Variants in VPS8 observed in about 807,000 individuals in gnomAD.
VPS8 encodes the protein vacuolar protein sorting-associated protein 8 homolog.
In VPS8, 129 loss-of-function variants were observed where a neutral mutation model predicts 216.4. That is an observed-to-expected ratio of 0.60 (90% CI 0.52 to 0.69). VPS8 has a LOEUF of 0.69. Among genes scored for constraint, VPS8 ranks in the 30% least tolerant of loss-of-function variants. The pLI is 0.00. For synonymous variants in VPS8, 571 were observed against 565.4 expected (o/e 1.01, Z -0.14); for missense variants, 1,531 against 1,683.5 (o/e 0.91, Z 1.59).
intron 46 of VPS8, among the ~76,000 whole-genome samples, chr3:185,024,926 C>T (rs1328945015): frequency 3.3e-5 from 5 of 151,732 alleles, no homozygotes; most frequent in African/African-American, 7.3e-5. Context: ...TGCTTGAACC[C>T]GGGAGGCGGA....
At chr3:184,839,914 C>G in intron 7 of VPS8, 162 bp downstream of exon 7, 4 of 1,401,026 alleles carry the variant, frequency 2.9e-6, no homozygotes, top group Non-Finnish European at 3.7e-6. Context: ...AATTATTTGC[C>G]TCACAGCTTT....
chr3:184,928,726 A>G (rs1433334134), intron 32 of VPS8, among the ~76,000 whole-genome samples, 193 bp downstream of exon 32: 2 of 152,216 alleles, frequency 1.3e-5, no homozygotes, highest in Non-Finnish European at 1.5e-5. Flanking sequence ...GCAGAAATTG[A>G]TAGGGCAGAT....
At chr3:184,939,029 C>CAAAAA (rs201525906) in intron 35 of VPS8, among the ~76,000 whole-genome samples, 1 of 53,476 alleles carries the variant, frequency 1.9e-5, no homozygotes, top group African/African-American at 6.0e-5. Flanking sequence ...GACCCTGTCT[C>CAAAAA]AAAAAAAAAA....
At chr3:184,866,735 T>G in intron 16 of VPS8, 141 bp from the exon 17 acceptor site, 1 of 716,086 alleles carries the variant, frequency 1.4e-6, no homozygotes, top group Non-Finnish European at 2.3e-6. Context: ...AAATGTAGAC[T>G]GAGATAAGTT....
At position 184,834,634 on chromosome 3, in the gene VPS8, C is replaced by A; in HGVS notation, c.354-15C>A. 8.7e-7 allele frequency: 1 copy of A among 1,143,606 alleles called. No individual in the cohort carries two copies. Among genetic ancestry groups the A allele is most frequent in the East Asian group, 3.3e-5 (1 of 29,926 alleles). 70.8% of individuals were successfully genotyped at this position (1,143,606 alleles called of 1,614,324 possible). On this transcript the variant is annotated splice_polypyrimidine_tract_variant and intron_variant, in intron 4 of 47. Coordinates refer to ENST00000625842, the MANE Select transcript of VPS8 (RefSeq NM_001009921.3). ...TTTTTATCTGTTTTTAAATGTTTTT[C>A]TTTTTTTTTTTCAGGAAGAAGAAAT... is the stretch of plus-strand genomic sequence containing the variant.
intron 36 of VPS8, among the ~76,000 whole-genome samples, chr3:184,951,522 T>A (rs1013147485): frequency 4.6e-5 from 7 of 151,828 alleles, no homozygotes; most frequent in Admixed American, 1.3e-4. Context: ...TTTTCAAAAC[T>A]GATATATATT....
intron 16 of VPS8, among the ~76,000 whole-genome samples, chr3:184,863,464 T>G (rs1340908034): frequency 2.0e-5 from 3 of 152,114 alleles, no homozygotes; most frequent in African/African-American, 4.8e-5. Context: ...CTATGAGGCT[T>G]TGGAAATATT....
chr3:184,976,588 C>T (rs186414247), intron 40 of VPS8, among the ~76,000 whole-genome samples: 6 of 152,048 alleles, frequency 3.9e-5, no homozygotes, highest in Admixed American at 2.6e-4. Flanking sequence ...GCATAGTACC[C>T]GATAGGTAGT....
At chr3:184,830,854 C>A (rs1312813758) in intron 3 of VPS8, among the ~76,000 whole-genome samples, 1 of 152,108 alleles carries the variant, frequency 6.6e-6, no homozygotes, top group Non-Finnish European at 1.5e-5. Flanking sequence ...TTTAGAAGAC[C>A]TATGTGTAGA....
chr3:184,864,227 C>A (rs935442912), intron 16 of VPS8, among the ~76,000 whole-genome samples: 15 of 152,256 alleles, frequency 9.9e-5, no homozygotes, highest in African/African-American at 3.6e-4. Flanking sequence ...TGATGGACAG[C>A]AATCTCTCAC....
intron 8 of VPS8, among the ~76,000 whole-genome samples, chr3:184,846,388 C>T (rs79351432): frequency 6.6e-6 from 1 of 152,150 alleles, no homozygotes; most frequent in Non-Finnish European, 1.5e-5. Flanking sequence ...TTTTAATCTA[C>T]AAGTTATGTC....
At chr3:185,051,824 T>G in intron 47 of VPS8, 52 bp from the exon 48 acceptor site, 12 of 1,505,460 alleles carry the variant, frequency 8.0e-6, no homozygotes, top group Non-Finnish European at 1.1e-5. Context: ...CAGGAGCCTC[T>G]CTTCCCTCTG....
chr3:184,839,133 A>G, intron 6 of VPS8: 1 of 191,930 alleles, frequency 5.2e-6, no homozygotes, highest in Non-Finnish European at 1.1e-5. Flanking sequence ...TTCCATTGTC[A>G]GGCTTGCCAA....
chr3:184,850,656 C>T (rs576951144), intron 10 of VPS8, among the ~76,000 whole-genome samples: 3 of 152,286 alleles, frequency 2.0e-5, no homozygotes, highest in South Asian at 2.1e-4. Flanking sequence ...GATTCTTCCA[C>T]GCTGTCAAGC....
At chr3:184,968,091 T>C (rs1348398086) in intron 39 of VPS8, among the ~76,000 whole-genome samples, 1 of 152,136 alleles carries the variant, frequency 6.6e-6, no homozygotes, top group Non-Finnish European at 1.5e-5. Flanking sequence ...TTTTCACCAT[T>C]CTTTTTCTGA....
At chr3:184,816,002 C>T (rs1165240548) in intron 1 of VPS8, 1 of 152,072 alleles carries the variant, frequency 6.6e-6, no homozygotes, top group African/African-American at 2.4e-5. Flanking sequence ...CTGCATCAGT[C>T]AGTTATGTGA....
intron 40 of VPS8, among the ~76,000 whole-genome samples, chr3:184,976,670 A>G (rs1182933115): frequency 6.6e-6 from 1 of 152,034 alleles, no homozygotes; most frequent in Non-Finnish European, 1.5e-5. Flanking sequence ...TTTTATGACC[A>G]TATGCCCAAT....
chr3:184,832,661 T>C (rs1176187696), intron 3 of VPS8, 28 bp from the exon 4 acceptor site: 2 of 1,572,584 alleles, frequency 1.3e-6, no homozygotes, highest in Non-Finnish European at 1.7e-6. Context: ...GGATTTTGAA[T>C]GTATTGATTT....
chr3:184,852,257 T>C (rs567898791), intron 10 of VPS8, among the ~76,000 whole-genome samples: 2 of 152,328 alleles, frequency 1.3e-5, no homozygotes, highest in African/African-American at 2.4e-5. Flanking sequence ...TATTTTTCTT[T>C]TATCGTGATG....
Sources: allele counts gnomAD v4.1 joint callset (sites outside exome capture counted in the v4.1 genomes callset), GRCh38; gene constraint gnomAD v4.1.1; transcripts MANE v1.5; gene names NCBI Gene and HGNC (gene_info 2026-07-23, HGNC 2026-07-21).